DPYD: variants seen among roughly 807,000 people sequenced by gnomAD.
DPYD encodes dihydropyrimidine dehydrogenase, also known as dihydropyrimidine dehydrogenase [NADP(+)].
A neutral mutation model predicts 116.2 loss-of-function variants in DPYD; 109 were observed. The observed-to-expected ratio is 0.94, with a 90% CI of 0.80 to 1.10. The LOEUF (loss-of-function observed/expected upper bound fraction) is 1.10, where lower values mean the gene tolerates loss of function less well. Among genes scored for constraint, DPYD ranks in the 50% least tolerant of loss-of-function variants. The pLI is 0.00. For synonymous variants in DPYD, 440 were observed against 432.0 expected (o/e 1.02, Z -0.23); for missense variants, 1,302 against 1,254.5 (o/e 1.04, Z -0.57).
At chr1:97,759,632 G>A (rs1665463194) in intron 3 of DPYD, among the ~76,000 whole-genome samples, 1 of 152,126 alleles carries the variant, frequency 6.6e-6, no homozygotes, top group Non-Finnish European at 1.5e-5. Context: ...CTTTGTTTTA[G>A]ATGAATATTT....
At chr1:97,298,452 A>G (rs1666662960) in intron 18 of DPYD, among the ~76,000 whole-genome samples, 1 of 152,212 alleles carries the variant, frequency 6.6e-6, no homozygotes, top group African/African-American at 2.4e-5. Flanking sequence ...ACAGTTTACA[A>G]GTTAAATAAA....
intron 4 of DPYD, among the ~76,000 whole-genome samples, chr1:97,731,097 T>C (rs1409561287): frequency 6.6e-6 from 1 of 152,104 alleles, no homozygotes; most frequent in African/African-American, 2.4e-5. Context: ...TGATTATTTA[T>C]GCCATGCCAA....
chr1:97,157,998 T>C (rs1655603601), intron 20 of DPYD, among the ~76,000 whole-genome samples: 1 of 152,138 alleles, frequency 6.6e-6, no homozygotes, highest in South Asian at 2.1e-4. Flanking sequence ...AGGGTAACCA[T>C]ATATATTCTT....
At chr1:97,196,201 G>C (rs1464029384) in intron 19 of DPYD, among the ~76,000 whole-genome samples, 1 of 152,102 alleles carries the variant, frequency 6.6e-6, no homozygotes, top group African/African-American at 2.4e-5. Flanking sequence ...CTGAGCTCAA[G>C]CAATCCTCTC....
At chr1:97,663,122 A>G (rs1557868804) in intron 8 of DPYD, among the ~76,000 whole-genome samples, 2 of 152,216 alleles carry the variant, frequency 1.3e-5, no homozygotes, top group African/African-American at 2.4e-5. Flanking sequence ...TGCCACTAGC[A>G]TCATTTGCCA....
chr1:97,318,847 C>T (rs1444264304), intron 16 of DPYD, among the ~76,000 whole-genome samples: 17 of 150,166 alleles, frequency 1.1e-4, no homozygotes, highest in Non-Finnish European at 1.5e-5. Context: ...CACTCCTCAG[C>T]AAATGTAAAA....
Position 97,663,788 on chromosome 1 carries a change from T to C in DPYD, c.850+15307A>G, listed in dbSNP as rs138701723. Among the ~76,000 whole-genome samples the C allele has an allele frequency of 3.1e-3, 478 of 152,304 alleles. 2 individuals carry two copies. Among genetic ancestry groups the C allele is most frequent in the African/African-American group, 0.011 (461 of 41,566 alleles). The stretch of plus-strand genomic sequence containing the variant: ...AGCACACGTCTCTGGAAGTGAAAAC[T>C]CTAGCAAGAATATAGAGCTGTTACA... On this transcript the variant is annotated intron_variant, in intron 8 of 22. Transcript: ENST00000370192.
chr1:97,237,925 A>C (rs928589205), intron 18 of DPYD, among the ~76,000 whole-genome samples: 1 of 152,152 alleles, frequency 6.6e-6, no homozygotes, highest in Admixed American at 6.5e-5. Flanking sequence ...TTAGAAGACT[A>C]TCATTAACAG....
chr1:97,169,618 C>T (rs1243876114), intron 20 of DPYD, among the ~76,000 whole-genome samples: 5 of 151,098 alleles, frequency 3.3e-5, no homozygotes, highest in Admixed American at 1.3e-4. Context: ...GATCTCAGCT[C>T]ACTGCAAAAA....
chr1:97,489,721 C>A (rs1678860847), intron 13 of DPYD, among the ~76,000 whole-genome samples: 1 of 152,184 alleles, frequency 6.6e-6, no homozygotes, highest in African/African-American at 2.4e-5. Context: ...GTACTTGACA[C>A]ATGCATGAAC....
intron 20 of DPYD, among the ~76,000 whole-genome samples, chr1:97,177,377 T>G (rs1657355677): frequency 6.6e-6 from 1 of 152,138 alleles, no homozygotes; most frequent in South Asian, 2.1e-4. Context: ...GATTGAGTGA[T>G]CAGTAGTAAA....
chr1:97,113,616 G>T, intron 20 of DPYD, among the ~76,000 whole-genome samples: 1 of 151,994 alleles, frequency 6.6e-6, no homozygotes, highest in East Asian at 1.9e-4. Flanking sequence ...TTGTCTAGGG[G>T]AGTTTTGGAG....
chr1:97,295,246 CAT>C lies in DPYD; in HGVS notation c.2299+10011_2299+10012del, dbSNP rs1233623298. ...AAAGTGTTCAATAAAGTTCTGGGCA[CAT>C]AAAGATTGTATTATTCCAAGGCCTC... On this transcript the variant is annotated intron_variant, in intron 18 of 22. Transcript: ENST00000370192. Among the ~76,000 whole-genome samples, 10 of 152,204 alleles carry C rather than the reference CAT, an allele frequency of 6.6e-5. No individual in the cohort carries two copies. The South Asian group carries it at 1.9e-3, about 28-fold the overall frequency.
At position 97,549,637 on chromosome 1, in the gene DPYD, C is replaced by T. The variant is rs141439344; in HGVS notation, c.1447G>A (p.Val483Ile). 45 of 1,613,720 alleles carry T rather than the reference C, an allele frequency of 2.8e-5. No individual in the cohort carries two copies. The African/African-American group carries it at 3.3e-4, about 12-fold the overall frequency. The stretch of plus-strand genomic sequence containing the variant: ...TCCACTGTAGTGTTAGCCAAACCAA[C>T]GACATCACCACCTGCAAATACCCAT... ...EAWVFAGGDV[V>I]GLANTTVESV... The change falls in exon 12 of 23, where the codon GTT becomes ATT. Residue 483 changes from valine (V) to isoleucine (I), a missense_variant. Coordinates refer to ENST00000370192, the MANE Select transcript of DPYD (RefSeq NM_000110.4).
chr1:97,648,116 T>C (rs377472886), intron 8 of DPYD, among the ~76,000 whole-genome samples: 2 of 151,980 alleles, frequency 1.3e-5, no homozygotes, highest in East Asian at 1.9e-4. Flanking sequence ...CATTATTAGG[T>C]GATAGTTTGA....
chr1:97,174,370 C>G (rs1040199372), intron 20 of DPYD, among the ~76,000 whole-genome samples: 22 of 152,154 alleles, frequency 1.4e-4, no homozygotes, highest in Admixed American at 9.8e-4. Flanking sequence ...GACACCACAT[C>G]CACTACCTAC....
intron 21 of DPYD, among the ~76,000 whole-genome samples, chr1:97,097,175 T>A (rs1267962898): frequency 6.6e-6 from 1 of 152,174 alleles, no homozygotes; most frequent in Non-Finnish European, 1.5e-5. Flanking sequence ...CTGTTAAAAG[T>A]CCCAAATGTT....
At chr1:97,664,534 AAT>A (rs537126613) in intron 8 of DPYD, among the ~76,000 whole-genome samples, 2 of 151,850 alleles carry the variant, frequency 1.3e-5, no homozygotes, top group Non-Finnish European at 1.5e-5. Context: ...ATATCTACAT[AAT>A]ATATATATAA....
chr1:97,365,289 A>G (rs1670968246), intron 16 of DPYD, among the ~76,000 whole-genome samples: 1 of 152,066 alleles, frequency 6.6e-6, no homozygotes, highest in Non-Finnish European at 1.5e-5. Context: ...TTTCCTGCCA[A>G]TATTCATTTC....
Sources: allele counts gnomAD v4.1 joint callset (sites outside exome capture counted in the v4.1 genomes callset), GRCh38; gene constraint gnomAD v4.1.1; transcripts MANE v1.5; gene names NCBI Gene and HGNC (gene_info 2026-07-23, HGNC 2026-07-21).